The following MAGI2 variants were observed in gnomAD, a reference collection of about 807,000 sequenced individuals.
MAGI2 encodes membrane associated guanylate kinase, WW and PDZ domain containing 2, also known as membrane-associated guanylate kinase, WW and PDZ domain-containing protein 2.
In MAGI2, 35 loss-of-function variants were observed where a neutral mutation model predicts 133.3. The observed-to-expected ratio is 0.26, with a 90% CI of 0.20 to 0.35. The LOEUF (loss-of-function observed/expected upper bound fraction) is 0.35, where lower values mean the gene tolerates loss of function less well. Ranked by LOEUF, MAGI2 falls within the 10% of genes least tolerant of loss-of-function variation. The probability of loss-of-function intolerance (pLI) is 1.00; values close to 1 mark genes in which losing one functional copy is unlikely to be tolerated. For missense variants in MAGI2, 1,636 were observed against 1,863.4 expected (o/e 0.88, Z 2.25); for synonymous variants, 729 against 710.6 (o/e 1.03, Z -0.41).
At chr7:78,997,375 A>C (rs1806411736) in intron 2 of MAGI2, among the ~76,000 whole-genome samples, 1 of 152,078 alleles carries the variant, frequency 6.6e-6, no homozygotes, top group Non-Finnish European at 1.5e-5. Context: ...AGGCCTAGGC[A>C]GGCGGATCAC....
At chr7:78,374,301 T>C (rs1185194833) in intron 6 of MAGI2, among the ~76,000 whole-genome samples, 1 of 152,184 alleles carries the variant, frequency 6.6e-6, no homozygotes, top group African/African-American at 2.4e-5. Context: ...GAGTTGTGTT[T>C]CTCTGATGAT....
chr7:78,457,528 T>C (rs780757077), intron 6 of MAGI2, among the ~76,000 whole-genome samples: 2 of 152,162 alleles, frequency 1.3e-5, no homozygotes, highest in Non-Finnish European at 2.9e-5. Context: ...GATTTTGTAA[T>C]ATAATATATC....
At chr7:78,986,355 C>T (rs146601970) in intron 2 of MAGI2, among the ~76,000 whole-genome samples, 245 of 152,084 alleles carry the variant, frequency 1.6e-3, no homozygotes, top group African/African-American at 5.8e-3. Flanking sequence ...AATGATCAAA[C>T]AAACAAAAAC....
At position 78,019,259 on chromosome 7, in the gene MAGI2, G is replaced by C. The variant is rs1372759809; in HGVS notation, c.*56C>G. 1 of 1,564,508 alleles carries C rather than the reference G, an allele frequency of 6.4e-7. No homozygotes were observed. The highest frequency in any genetic ancestry group is 1.4e-5 in the African/African-American group (1 of 73,940). ...AAATAAATTAAAACGCCGTGAGACG[G>C]AACCTAAGAAGAACTGCCTGCGCCG... On this transcript the variant is annotated 3_prime_UTR_variant, in exon 22 of 22. Transcript: ENST00000354212.
At chr7:78,403,274 C>G (rs1583918811) in intron 6 of MAGI2, among the ~76,000 whole-genome samples, 3 of 152,060 alleles carry the variant, frequency 2.0e-5, no homozygotes, top group Admixed American at 6.6e-5. Flanking sequence ...CCTTGCGATA[C>G]TTTGCTGAGA....
At chr7:79,121,149 T>C (rs181282305) in intron 1 of MAGI2, among the ~76,000 whole-genome samples, 6 of 152,080 alleles carry the variant, frequency 3.9e-5, no homozygotes, top group Non-Finnish European at 7.4e-5. Flanking sequence ...AATAAAATAG[T>C]TTATTAAATA....
At chr7:78,149,752 T>C (rs1251992082) in intron 16 of MAGI2, among the ~76,000 whole-genome samples, 1 of 152,210 alleles carries the variant, frequency 6.6e-6, no homozygotes. Context: ...TATACATCTT[T>C]ATGATGAACA....
chr7:78,171,881 G>GT (rs1414640471), intron 14 of MAGI2, among the ~76,000 whole-genome samples: 1 of 122,150 alleles, frequency 8.2e-6, no homozygotes, highest in Non-Finnish European at 1.7e-5. Context: ...TTGGAGGAGG[G>GT]TTTTTTTGTT....
At chr7:78,343,523 A>G (rs1198414862) in intron 9 of MAGI2, among the ~76,000 whole-genome samples, 4 of 152,236 alleles carry the variant, frequency 2.6e-5, no homozygotes, top group Admixed American at 2.6e-4. Context: ...AAAAGTGTCA[A>G]TCTCAAGAGT....
At chr7:79,426,185 G>T (rs1170065204) in intron 1 of MAGI2, among the ~76,000 whole-genome samples, 1 of 152,106 alleles carries the variant, frequency 6.6e-6, no homozygotes, top group Admixed American at 6.5e-5. Context: ...ATGTCAAGCT[G>T]GGAATTATTA....
chr7:78,724,680 G>A (rs975230461), intron 2 of MAGI2, among the ~76,000 whole-genome samples: 4 of 152,178 alleles, frequency 2.6e-5, no homozygotes, highest in African/African-American at 4.8e-5. Flanking sequence ...ACTCTGAAAT[G>A]CTTTCCTAGC....
intron 1 of MAGI2, among the ~76,000 whole-genome samples, chr7:79,207,247 A>C (rs1186086108): frequency 1.3e-5 from 2 of 151,970 alleles, no homozygotes; most frequent in African/African-American, 4.8e-5. Flanking sequence ...ATTACATAAA[A>C]GTGATCCAAA....
chr7:79,050,447 A>G (rs187575001), intron 1 of MAGI2, among the ~76,000 whole-genome samples: 15 of 152,112 alleles, frequency 9.9e-5, no homozygotes, highest in African/African-American at 1.2e-4. Flanking sequence ...CAGTGGTGCA[A>G]TTATAACTCA....
At chr7:78,446,799 T>A (rs555013743) in intron 6 of MAGI2, among the ~76,000 whole-genome samples, 1 of 152,128 alleles carries the variant, frequency 6.6e-6, no homozygotes, top group Admixed American at 6.6e-5. Context: ...AGCAATTTCA[T>A]CTTATTTTAG....
intron 21 of MAGI2, among the ~76,000 whole-genome samples, chr7:78,051,272 T>A (rs748259580): frequency 2.6e-5 from 4 of 152,182 alleles, no homozygotes; most frequent in African/African-American, 4.8e-5. Flanking sequence ...AGCTCCGAGG[T>A]GCTGGAGAGG....
intron 1 of MAGI2, among the ~76,000 whole-genome samples, chr7:79,011,450 G>A (rs952512407): frequency 6.6e-6 from 1 of 152,130 alleles, no homozygotes; most frequent in East Asian, 1.9e-4. Context: ...TTTGTGCCAA[G>A]TGTCTGGTTG....
intron 6 of MAGI2, among the ~76,000 whole-genome samples, chr7:78,432,608 T>C (rs1261923633): frequency 6.6e-6 from 1 of 152,094 alleles, no homozygotes; most frequent in Non-Finnish European, 1.5e-5. Flanking sequence ...ATAGATTTAA[T>C]AATCAATCAC....
chr7:79,089,999 T>C (rs1160566796), intron 1 of MAGI2, among the ~76,000 whole-genome samples: 2 of 151,376 alleles, frequency 1.3e-5, no homozygotes, highest in African/African-American at 2.4e-5. Context: ...ACTTAAAGTA[T>C]AATAAAAAAA....
chr7:79,128,408 T>C (rs1820624418), intron 1 of MAGI2, among the ~76,000 whole-genome samples: 1 of 152,210 alleles, frequency 6.6e-6, no homozygotes, highest in Non-Finnish European at 1.5e-5. Flanking sequence ...TCAACTCATT[T>C]GAATGTTAAA....
Sources: gnomAD v4.1 joint callset for allele counts (sites outside exome capture counted in the v4.1 genomes callset) on GRCh38, gnomAD v4.1.1 for gene constraint, MANE v1.5 for transcripts, NCBI Gene and HGNC (gene_info 2026-07-23, HGNC 2026-07-21) for gene names.